LUZP1: variants seen among roughly 807,000 people sequenced by gnomAD.
The protein encoded by LUZP1 is filamin mechanobinding actin cross-linking protein.
LUZP1 carries 25 observed loss-of-function variants against 71.3 expected under a neutral mutation model. That is an observed-to-expected ratio of 0.35 (90% confidence interval 0.26 to 0.49). LUZP1 has a LOEUF of 0.49. Ranked by LOEUF, LUZP1 falls within the 20% of genes least tolerant of loss-of-function variation. LUZP1 has a pLI of 0.99. For missense variants in LUZP1, 1,142 were observed against 1,300.8 expected, an observed-to-expected ratio of 0.88 and a Z score of 1.88; for synonymous variants, 481 against 506.4, an observed-to-expected ratio of 0.95 and a Z score of 0.67.
At chr1:23,087,740 G>A (rs1643788234) in exon 5 of LUZP1, 1 of 152,648 alleles carries the variant, frequency 6.6e-6, no homozygotes, top group South Asian at 2.1e-4. Flanking sequence ...TTTCTGAAAA[G>A]TTTGCTGCAT....
chr1:23,152,782 C>G (rs1298650179), intron 2 of LUZP1, among the ~76,000 whole-genome samples: 1 of 152,054 alleles, frequency 6.6e-6, no homozygotes, highest in African/African-American at 2.4e-5. Context: ...CCACCAGCCT[C>G]GACCTCCCAA....
chr1:23,167,771 C>T (rs2148217848), intron 2 of LUZP1, among the ~76,000 whole-genome samples: 1 of 152,330 alleles, frequency 6.6e-6, no homozygotes, highest in South Asian at 2.1e-4. Flanking sequence ...CCAGCGCGGC[C>T]GCTGCGGGTC....
chr1:23,146,430 T>C (rs747676576), intron 2 of LUZP1, among the ~76,000 whole-genome samples: 1 of 152,248 alleles, frequency 6.6e-6, no homozygotes, highest in African/African-American at 2.4e-5. Flanking sequence ...AATAGCCGTA[T>C]GGACAAGTTA....
chr1:23,123,847 A>AT (rs957000056), intron 2 of LUZP1, among the ~76,000 whole-genome samples: 1 of 152,194 alleles, frequency 6.6e-6, no homozygotes, highest in Non-Finnish European at 1.5e-5. Flanking sequence ...GACATTTGCT[A>AT]TTCTTGATTA....
chr1:23,092,944 T>C (rs753851989), exon 4 of LUZP1: 1 of 1,614,150 alleles, frequency 6.2e-7, no homozygotes, highest in Non-Finnish European at 8.5e-7. Flanking sequence ...CTGTCTGTAC[T>C]CACCCCCATG....
At chr1:23,113,410 A>T (rs988331828) in intron 2 of LUZP1, among the ~76,000 whole-genome samples, 3 of 152,080 alleles carry the variant, frequency 2.0e-5, no homozygotes, top group Non-Finnish European at 4.4e-5. Flanking sequence ...CTGTCTCAAA[A>T]CAAAACAAAA....
At chr1:23,099,651 G>A (rs776242869) in intron 3 of LUZP1, among the ~76,000 whole-genome samples, 15 of 152,028 alleles carry the variant, frequency 9.9e-5, no homozygotes, top group Non-Finnish European at 1.6e-4. Context: ...TTATACCACC[G>A]TTTTATTTAT....
chr1:23,090,695 TCTC>T (rs1643838607), intron 4 of LUZP1: 5 of 609,944 alleles, frequency 8.2e-6, no homozygotes, highest in Non-Finnish European at 1.5e-5. Flanking sequence ...AAGCCCCGGC[TCTC>T]CTCATCCCTG....
At chr1:23,167,977 G>A (rs1297538070) in intron 2 of LUZP1, among the ~76,000 whole-genome samples, 2 of 151,576 alleles carry the variant, frequency 1.3e-5, no homozygotes, top group African/African-American at 4.8e-5. Flanking sequence ...GGCCCCGCTC[G>A]CCGGCGTCCC....
At chr1:23,127,297 G>C (rs1644179204) in intron 2 of LUZP1, among the ~76,000 whole-genome samples, 1 of 152,154 alleles carries the variant, frequency 6.6e-6, no homozygotes, top group Non-Finnish European at 1.5e-5. Context: ...GCAGGGCTGG[G>C]ATTTGAATTC....
chr1:23,165,484 G>A (rs181854706), intron 2 of LUZP1, among the ~76,000 whole-genome samples: 10 of 151,688 alleles, frequency 6.6e-5, no homozygotes, highest in Non-Finnish European at 1.3e-4. Context: ...AGACCAGCCT[G>A]GGAAACACAG....
intron 4 of LUZP1, 171 bp downstream of exon 3, chr1:23,091,019 T>C (rs1643843557): frequency 1.3e-6 from 1 of 772,964 alleles, no homozygotes; most frequent in Non-Finnish European, 2.3e-6. Context: ...AAAAACCTTC[T>C]TTAGGAGAAA....
At chr1:23,176,414 A>G (rs577919120) in intron 1 of LUZP1, among the ~76,000 whole-genome samples, 1 of 152,302 alleles carries the variant, frequency 6.6e-6, no homozygotes, top group Non-Finnish European at 1.5e-5. Flanking sequence ...ACCTGTCCAA[A>G]TGAATGCTCT....
rs746106246 is a variant in LUZP1, at chr1:23,094,204, G to A, written c.58C>T (p.Leu20=). The A allele has an allele frequency of 8.1e-6, 13 of 1,613,152 alleles. No individual in the cohort carries two copies. Among genetic ancestry groups the A allele is most frequent in the Non-Finnish European group, 1.1e-5 (13 of 1,179,822 alleles). The change falls in exon 4 of 5, where the codon CTA becomes TTA. Residue 20 remains leucine, a synonymous_variant. Transcript: ENST00000302291. The surrounding 1 kb of genome is among the most constrained non-coding windows in gnomAD (Gnocchi z 4.7). ...TCAAGGCGGCGGCTTAGACTCTGTA[G>A]CTTAAACCGCAAGTGGCGGCTGGAG... is the stretch of plus-strand genomic sequence containing the variant.
chr1:23,156,415 G>T (rs529774787), intron 2 of LUZP1, among the ~76,000 whole-genome samples: 1 of 152,170 alleles, frequency 6.6e-6, no homozygotes, highest in Non-Finnish European at 1.5e-5. Context: ...TGGAAAGTGG[G>T]CCAGAAAAAT....
chr1:23,122,610 G>A (rs1348840276), intron 2 of LUZP1, among the ~76,000 whole-genome samples: 2 of 152,202 alleles, frequency 1.3e-5, no homozygotes, highest in South Asian at 2.1e-4. Flanking sequence ...AGGCTAAGCC[G>A]ATTAGTTTAG....
chr1:23,119,065 C>G (rs1012337801), intron 2 of LUZP1, among the ~76,000 whole-genome samples: 1 of 152,112 alleles, frequency 6.6e-6, no homozygotes, highest in Non-Finnish European at 1.5e-5. Flanking sequence ...TTCCCCGTAG[C>G]AATTAACGTG....
intron 2 of LUZP1, among the ~76,000 whole-genome samples, chr1:23,134,513 T>C (rs66479435): frequency 0.17 from 26,173 of 151,698 alleles, 2,313 homozygotes; most frequent in East Asian, 0.26. Flanking sequence ...GTGTGGTGAC[T>C]TACCCCTGAA....
At chr1:23,120,259 G>C (rs940783631) in intron 2 of LUZP1, among the ~76,000 whole-genome samples, 1 of 151,786 alleles carries the variant, frequency 6.6e-6, no homozygotes, top group Non-Finnish European at 1.5e-5. Context: ...TCCAATTATT[G>C]AATGCCCAGA....
Sources: gnomAD v4.1 joint callset for allele counts (sites outside exome capture counted in the v4.1 genomes callset) on GRCh38, gnomAD v4.1.1 for gene constraint, Gnocchi (gnomAD v3.1) non-coding constraint, MANE v1.5 for transcripts, NCBI Gene and HGNC (gene_info 2026-07-23, HGNC 2026-07-21) for gene names.